The following DNAH10 variants were observed in gnomAD, a reference collection of about 807,000 sequenced individuals.
DNAH10 encodes dynein axonemal heavy chain 10, also known as axonemal beta dynein heavy chain 10.
In DNAH10, 348 loss-of-function variants were observed where a neutral mutation model predicts 506.6. That is an observed-to-expected ratio of 0.69 (90% CI 0.63 to 0.75). The LOEUF (loss-of-function observed/expected upper bound fraction) is 0.75. DNAH10 is among the 30% of genes least tolerant of loss of function. The pLI is 0.00. For synonymous variants in DNAH10, 2,059 were observed against 2,198.6 expected (o/e 0.94, Z 1.78); for missense variants, 5,179 against 5,787.1 (o/e 0.89, Z 3.41).
intron 19 of DNAH10, among the ~76,000 whole-genome samples, chr12:123,812,667 A>G (rs991815611): frequency 3.3e-5 from 5 of 152,324 alleles, no homozygotes; most frequent in African/African-American, 1.2e-4. Flanking sequence ...ACTTACTGGC[A>G]TAAAACAATA....
Position 123,928,114 on chromosome 12 carries a change from C to G in DNAH10, c.12106-273C>G, listed in dbSNP as rs1267635440. On this transcript the variant is annotated intron_variant, in intron 69 of 78. Transcript: ENST00000673944. This position sits in a 1 kb window ranked among gnomAD's most constrained non-coding sequence, Gnocchi z 4.9. ...GACAGGAGCGACTGTGTGGGAGGAG[C>G]TGGGACTTCCAGGGCCAGGGAGGCA... 1.8e-6 allele frequency: 1 copy of G among 557,106 alleles called. No individual in the cohort carries two copies. Among genetic ancestry groups the G allele is most frequent in the Non-Finnish European group, 3.2e-6 (1 of 311,160 alleles). The allele number at this position is 557,106 out of a possible 1,614,324, so 34.5% of individuals were successfully genotyped here.
At position 123,877,787 on chromosome 12, in the gene DNAH10, C is replaced by G; in HGVS notation, c.8251C>G (p.Leu2751Val). ...GAGTGGCAAGCTGACATTCTGCACG[C>G]TAGCACTTTACAAAAATATTGTGCA... ...AVSGKLTFCT[L>V]ALYKNIVQDL... Residue 2751 changes from leucine (L) to valine (V), a missense_variant, in exon 48 of 79, where the codon CTA becomes GTA. Physicochemically the swap from Leu to Val is conservative, Grantham distance 32. Coordinates refer to ENST00000673944, the MANE Select transcript of DNAH10 (RefSeq NM_001372106.1). 1 of 1,613,976 alleles carries G rather than the reference C, an allele frequency of 6.2e-7. No individual in the cohort carries two copies. Among genetic ancestry groups the G allele is most frequent in the Non-Finnish European group, 8.5e-7 (1 of 1,179,894 alleles).
At position 123,844,049 on chromosome 12, in the gene DNAH10, A is replaced by C. The variant is rs139784945; in HGVS notation, c.5361-1551A>C. 4.6e-3 allele frequency among the ~76,000 whole-genome samples: 694 copies of C among 152,368 alleles called. 8 individuals carry two copies. Among genetic ancestry groups the C allele is most frequent in the African/African-American group, 0.015 (627 of 41,576 alleles). ...AAAGAAAAAGGTTTAATTGACTCAC[A>C]GTCACGCATGGCTGGGGAGGCCTCA... On this transcript the variant is annotated intron_variant, in intron 30 of 78. Transcript: ENST00000673944.
rs376940117 is a variant in DNAH10 at position 123,926,807 on chromosome 12, A to C, written c.12092A>C (p.Gln4031Pro). The part of the protein sequence containing the change: ...GNRLKFLAMG[Q>P]GQEKVALQLL... ...CGCCTCAAATTCCTTGCAATGGGTC[A>C]AGGTCAAGAAAAGGTAATTTGTGGC... Residue 4031 changes from glutamine (Q) to proline (P), a missense_variant, in exon 69 of 79, where the codon CAA (glutamine) becomes CCA (proline). Coordinates refer to ENST00000673944, the MANE Select transcript of DNAH10 (RefSeq NM_001372106.1). The surrounding 1 kb of genome is among the most constrained non-coding windows in gnomAD (Gnocchi z 4.1). The C allele has an allele frequency of 1.2e-6, 2 of 1,613,920 alleles. No homozygotes were observed. The highest frequency in any genetic ancestry group is 1.7e-6 in the Non-Finnish European group (2 of 1,179,860).
chr12:123,881,939 G>C, intron 51 of DNAH10, 126 bp downstream of exon 51: 1 of 968,030 alleles, frequency 1.0e-6, no homozygotes, highest in Middle Eastern at 3.5e-4. Context: ...ATCGAGGTGG[G>C]TGTTTTGGTT....
intron 37 of DNAH10, 113 bp from the exon 38 acceptor site, chr12:123,859,037 A>G (rs898453919): frequency 3.5e-5 from 35 of 997,606 alleles, no homozygotes; most frequent in Non-Finnish European, 4.6e-5. Context: ...ACTGGAAACC[A>G]TTGACTTGTA....
At chr12:123,807,666 C>T (rs895826251) in intron 18 of DNAH10, among the ~76,000 whole-genome samples, 10 of 151,442 alleles carry the variant, frequency 6.6e-5, no homozygotes, top group Non-Finnish European at 8.8e-5. Context: ...TGGGAAGCCA[C>T]GGCAGGGAGC....
intron 35 of DNAH10, 48 bp downstream of exon 35, chr12:123,851,124 G>T: frequency 6.6e-7 from 1 of 1,514,944 alleles, no homozygotes. Context: ...ACTTCACCCG[G>T]GTCTGCTTCC....
chr12:123,826,134 A>AT lies in DNAH10; in HGVS notation c.4180-553_4180-552insT, dbSNP rs368136942. On this transcript the variant is annotated intron_variant, in intron 24 of 78. Coordinates refer to ENST00000673944, the MANE Select transcript of DNAH10 (RefSeq NM_001372106.1). ...GAGACCCTGTCTCCAAAAAAAATAA[A>AT]AATAATAATTTTTACATTAAATCTC... 3.2e-3 allele frequency among the ~76,000 whole-genome samples: 484 copies of AT among 150,604 alleles called. 4 individuals carry two copies. The highest frequency in any genetic ancestry group is 1.9e-3 in the African/African-American group (77 of 41,040).
rs1954965269 is a variant in DNAH10 at position 123,926,797 on chromosome 12, G to A, written c.12082G>A (p.Ala4028Thr). Residue 4028 changes from alanine to threonine, a missense_variant, in exon 69 of 79, where the codon GCA becomes ACA. Transcript: ENST00000673944. This position sits in a 1 kb window ranked among gnomAD's most constrained non-coding sequence, Gnocchi z 4.1. Reference sequence around the variant, plus strand: ...TGGAGGAAATCGCCTCAAATTCCTTGCAATGGGTCAAGGTCAAGAAAAGGT... The same window carrying A: ...TGGAGGAAATCGCCTCAAATTCCTTACAATGGGTCAAGGTCAAGAAAAGGT... ...GFGGNRLKFLAMGQGQEKVAL... is the reference protein window; with the variant it reads ...GFGGNRLKFLTMGQGQEKVAL... 1.9e-6 allele frequency: 3 copies of A among 1,613,948 alleles called. No homozygotes were observed. In the South Asian group the frequency reaches 3.3e-5, roughly 18 times the overall value.
chr12:123,918,790 A>G lies in DNAH10; in HGVS notation c.11347A>G (p.Met3783Val). The G allele has an allele frequency of 6.2e-7, 1 of 1,613,692 alleles. No homozygotes were observed. Among genetic ancestry groups the G allele is most frequent in the Non-Finnish European group, 8.5e-7 (1 of 1,179,664 alleles). The change falls in exon 65 of 79, where the codon ATG becomes GTG. Residue 3783 changes from methionine (M) to valine (V), a missense_variant. Around this residue, in one of 3 missense-constraint regions of DNAH10, gnomAD observed 4,844 missense variants for 5,430.5 expected, o/e 0.89. Transcript: ENST00000673944. ...GAILFFVLSE[M>V]ALVNSMYQYS... is the part of the protein sequence containing the mutation. ...CATCCTGTTCTTCGTCCTGTCTGAG[A>G]TGGCCCTGGTGAACTCCATGTACCA...
At position 123,838,527 on chromosome 12, in the gene DNAH10, A is replaced by G; in HGVS notation, c.4974A>G (p.Leu1658=). ...AAGCCCCAAACCGCCTCAGTGACCT[A>G]CAGAACGTCAGCGAGGGCCTGGAGA... The part of the protein sequence containing the change: ...CCEAPNRLSD[L]QNVSEGLEKC... The change falls in exon 29 of 79, where the codon CTA becomes CTG. Residue 1658 remains leucine (L), a synonymous_variant. Coordinates refer to ENST00000673944, the MANE Select transcript of DNAH10 (RefSeq NM_001372106.1). 1 of 1,614,024 alleles carries G rather than the reference A, an allele frequency of 6.2e-7. No homozygotes were observed. Among genetic ancestry groups the G allele is most frequent in the Non-Finnish European group, 8.5e-7 (1 of 1,179,904 alleles).
rs770542760 is a variant in DNAH10, at chr12:123,902,991, G to A, written c.9693G>A (p.Gln3231=). Residue 3231 remains glutamine (Q), a synonymous_variant, in exon 57 of 79, where the codon CAG becomes CAA. Coordinates refer to ENST00000673944, the MANE Select transcript of DNAH10 (RefSeq NM_001372106.1). The surrounding 1 kb of genome is among the most constrained non-coding windows in gnomAD (Gnocchi z 4.5). Reference sequence around the variant, plus strand: ...AAAAGGCCATGGAGATAGAGGAGCAGAACAAAGTCATTGCCATGGAGAAGG... The same window carrying A: ...AAAAGGCCATGGAGATAGAGGAGCAAAACAAAGTCATTGCCATGGAGAAGG... ...AEEKAMEIEE[Q]NKVIAMEKAE... 1.3e-5 allele frequency: 21 copies of A among 1,596,868 alleles called. No individual in the cohort carries two copies. The South Asian group carries it at 2.0e-4, about 16-fold the overall frequency.
chr12:123,915,824 G>T (rs1394532584), intron 62 of DNAH10, among the ~76,000 whole-genome samples: 1 of 152,256 alleles, frequency 6.6e-6, no homozygotes. Flanking sequence ...ATGCCGCTGT[G>T]AATGTTGGTG....
chr12:123,866,363 C>A (rs563037546), intron 41 of DNAH10, among the ~76,000 whole-genome samples: 1 of 150,482 alleles, frequency 6.6e-6, no homozygotes, highest in African/African-American at 2.4e-5. Flanking sequence ...CCTGCCTCAG[C>A]CTCCCGAGTA....
Position 123,800,269 on chromosome 12 carries a change from A to C in DNAH10, c.2343A>C (p.Ala781=), listed in dbSNP as rs1364086673. Residue 781 remains alanine, a synonymous_variant, in exon 15 of 79, where the codon GCA becomes GCC. Coordinates refer to ENST00000673944, the MANE Select transcript of DNAH10 (RefSeq NM_001372106.1). ...PSTLERGAVF[A]INFSPALREI... is the part of the protein sequence containing the mutation. ...CTTTAGAAAGGGGAGCTGTTTTTGC[A>C]ATCAACTTTTCACCGGCTCTCAGAG... 1.9e-6 allele frequency: 3 copies of C among 1,614,040 alleles called. No individual in the cohort carries two copies. The highest frequency in any genetic ancestry group is 2.2e-5 in the South Asian group (2 of 91,064).
chr12:123,923,767 G>C lies in DNAH10; in HGVS notation c.11511G>C (p.Leu3837=). ...FSIYNHGCTG[L]FERHKLLFSF... ...TCATCTGATGTTTCCCTCCAGGGCTGTTTGAGAGGCACAAGCTACTCTTTT... is the reference window on the plus strand; with the variant it reads ...TCATCTGATGTTTCCCTCCAGGGCTCTTTGAGAGGCACAAGCTACTCTTTT... The change falls in exon 66 of 79, where the codon CTG becomes CTC. Residue 3837 remains leucine (L), a synonymous_variant. Coordinates refer to ENST00000673944, the MANE Select transcript of DNAH10 (RefSeq NM_001372106.1). 6.2e-7 allele frequency: 1 copy of C among 1,605,874 alleles called. No homozygotes were observed. Among genetic ancestry groups the C allele is most frequent in the African/African-American group, 1.3e-5 (1 of 74,472 alleles).
intron 12 of DNAH10, among the ~76,000 whole-genome samples, chr12:123,795,577 T>C (rs909945636): frequency 2.0e-5 from 3 of 152,218 alleles, no homozygotes; most frequent in African/African-American, 7.2e-5. Context: ...AGGACCCTTG[T>C]GATTACATAG....
chr12:123,910,736 A>C, intron 59 of DNAH10, 64 bp downstream of exon 59: 1 of 1,586,600 alleles, frequency 6.3e-7, no homozygotes, highest in Non-Finnish European at 8.6e-7. Context: ...CAGAATTCAC[A>C]TGTACATACC....
Sources: gnomAD v4.1 joint callset for allele counts (sites outside exome capture counted in the v4.1 genomes callset) on GRCh38, gnomAD v4.1.1 for gene constraint, gnomAD v4.1.1 regional missense constraint, Gnocchi (gnomAD v3.1) non-coding constraint, MANE v1.5 for transcripts, NCBI Gene and HGNC (gene_info 2026-07-23, HGNC 2026-07-21) for gene names.